Variants in CACNA2D1 observed in about 807,000 individuals in gnomAD.
CACNA2D1 encodes voltage-dependent calcium channel subunit alpha-2/delta-1.
CACNA2D1 carries 53 observed loss-of-function variants against 171.5 expected under a neutral mutation model. The observed-to-expected ratio is 0.31, with a 90% confidence interval of 0.25 to 0.39. The LOEUF (loss-of-function observed/expected upper bound fraction) is 0.39. Ranked by LOEUF, CACNA2D1 falls within the 10% of genes least tolerant of loss-of-function variation. The pLI is 1.00. For missense variants in CACNA2D1, 903 were observed against 1,299.8 expected (o/e 0.69, Z 4.69); for synonymous variants, 442 against 443.1 (o/e 1.00, Z 0.03).
At chr7:81,990,041 C>A in intron 21 of CACNA2D1, among the ~76,000 whole-genome samples, 1 of 152,206 alleles carries the variant, frequency 6.6e-6, no homozygotes, top group Middle Eastern at 3.4e-3. Flanking sequence ...ACTGTAAGAG[C>A]TGCAGAATAT....
intron 1 of CACNA2D1, among the ~76,000 whole-genome samples, chr7:82,374,791 A>C (rs1021541240): frequency 1.4e-3 from 32 of 23,082 alleles, no homozygotes; most frequent in Middle Eastern, 0.05. Context: ...AATGCCCCCC[A>C]AAAAAAGAAA....
At chr7:81,983,745 A>T (rs1168492346) in intron 22 of CACNA2D1, among the ~76,000 whole-genome samples, 1 of 152,222 alleles carries the variant, frequency 6.6e-6, no homozygotes, top group African/African-American at 2.4e-5. Context: ...CTATCAAGTG[A>T]AAGTGGAAAT....
intron 15 of CACNA2D1, among the ~76,000 whole-genome samples, chr7:82,011,662 T>C (rs1471524139): frequency 6.6e-6 from 1 of 152,302 alleles, no homozygotes; most frequent in Middle Eastern, 3.4e-3. Context: ...TGTGATGATT[T>C]CAGTATAAGG....
chr7:82,383,899 C>G lies in CACNA2D1; in HGVS notation c.96-34250G>C, dbSNP rs149397859. On this transcript the variant is annotated intron_variant, in intron 1 of 38. Transcript: ENST00000356860. The stretch of plus-strand genomic sequence containing the variant: ...TATAAAGTACCTCTTCACACTGACA[C>G]ATGTAGATTATCAAAATTTTACACA... Among the ~76,000 whole-genome samples the G allele has an allele frequency of 7.3e-4, 111 of 152,210 alleles. 1 individual carries two copies. The highest frequency in any genetic ancestry group is 1.3e-3 in the Non-Finnish European group (88 of 68,020).
At chr7:82,177,385 T>C (rs1478914851) in intron 3 of CACNA2D1, among the ~76,000 whole-genome samples, 2 of 152,018 alleles carry the variant, frequency 1.3e-5, no homozygotes, top group Non-Finnish European at 2.9e-5. Context: ...TATTGTTGAT[T>C]CTCCTTGCTA....
At chr7:82,438,451 G>A (rs540271312) in intron 1 of CACNA2D1, among the ~76,000 whole-genome samples, 1 of 152,266 alleles carries the variant, frequency 6.6e-6, no homozygotes, top group South Asian at 2.1e-4. Context: ...GGAAAAGGTA[G>A]TAACATAGTA....
At chr7:82,297,173 C>T (rs957595417) in intron 3 of CACNA2D1, among the ~76,000 whole-genome samples, 1 of 151,582 alleles carries the variant, frequency 6.6e-6, no homozygotes, top group African/African-American at 2.4e-5. Flanking sequence ...ATCCCTTGAG[C>T]CCAGGAGGCT....
chr7:82,111,386 G>A lies in CACNA2D1; in HGVS notation c.526+5658C>T, dbSNP rs1454205494. 3.2e-5 allele frequency among the ~76,000 whole-genome samples: 4 copies of A among 126,152 alleles called. 1 individual carries two copies. The highest frequency in any genetic ancestry group is 6.6e-5 in the Non-Finnish European group (4 of 60,840). 82.8% of individuals were successfully genotyped at this position (126,152 alleles called of 152,430 possible). On this transcript the variant is annotated intron_variant, in intron 6 of 38. Coordinates refer to ENST00000356860, the MANE Select transcript of CACNA2D1 (RefSeq NM_000722.4). ...TATGTATATATATATTCATATATGT[G>A]TATATATGTATATATATATTCATAT...
chr7:81,969,678 CTG>C (rs1209890180), intron 28 of CACNA2D1, among the ~76,000 whole-genome samples: 1 of 151,188 alleles, frequency 6.6e-6, no homozygotes, highest in African/African-American at 2.4e-5. Context: ...TACTGGAAGA[CTG>C]TTTGCTGTGT....
chr7:82,028,328 A>G (rs1397068780), intron 12 of CACNA2D1: 1 of 151,636 alleles, frequency 6.6e-6, no homozygotes, highest in African/African-American at 2.4e-5. Flanking sequence ...CTATTGAAAC[A>G]TATGTTAAAA....
intron 1 of CACNA2D1, among the ~76,000 whole-genome samples, chr7:82,370,409 AT>A (rs1822254299): frequency 1.3e-5 from 2 of 151,978 alleles, no homozygotes; most frequent in Non-Finnish European, 1.5e-5. Context: ...TCAGGAAAAA[AT>A]GATTAAAATT....
chr7:82,304,820 T>C (rs1813508450), intron 3 of CACNA2D1, among the ~76,000 whole-genome samples: 1 of 152,054 alleles, frequency 6.6e-6, no homozygotes, highest in Admixed American at 6.6e-5. Context: ...TAGGGGACAA[T>C]AGTTAACAAC....
intron 1 of CACNA2D1, among the ~76,000 whole-genome samples, chr7:82,383,405 T>C (rs1205975486): frequency 1.3e-5 from 2 of 152,050 alleles, no homozygotes; most frequent in African/African-American, 4.8e-5. Context: ...GAGAAAGCAC[T>C]AAAGAGAAAT....
chr7:82,288,453 ACACAC>A (rs1309750742), intron 3 of CACNA2D1, among the ~76,000 whole-genome samples: 1 of 150,622 alleles, frequency 6.6e-6, no homozygotes, highest in Non-Finnish European at 1.5e-5. Flanking sequence ...ACACACACAC[ACACAC>A]ATTTGAATGC....
At chr7:82,224,970 G>A (rs189054904) in intron 3 of CACNA2D1, among the ~76,000 whole-genome samples, 1 of 152,186 alleles carries the variant, frequency 6.6e-6, no homozygotes, top group East Asian at 1.9e-4. Context: ...TGACGTAAAG[G>A]TAACACTTGG....
intron 34 of CACNA2D1, among the ~76,000 whole-genome samples, chr7:81,963,481 A>G (rs1012754503): frequency 2.0e-5 from 3 of 151,942 alleles, no homozygotes; most frequent in African/African-American, 7.2e-5. Context: ...GCCACAATTG[A>G]CCATTTAAAT....
chr7:82,224,688 T>C (rs997731931), intron 3 of CACNA2D1, among the ~76,000 whole-genome samples: 4 of 152,194 alleles, frequency 2.6e-5, no homozygotes, highest in East Asian at 3.8e-4. Flanking sequence ...TAACAGAAAC[T>C]GTGTGAACTG....
At chr7:82,274,857 T>TGAATGAAC (rs1809113675) in intron 3 of CACNA2D1, among the ~76,000 whole-genome samples, 1 of 144,136 alleles carries the variant, frequency 6.9e-6, no homozygotes, top group African/African-American at 2.6e-5. Context: ...CAGGTATTTA[T>TGAATGAAC]GAATGAATGA....
At chr7:82,328,008 A>G (rs1403379581) in intron 3 of CACNA2D1, among the ~76,000 whole-genome samples, 1 of 152,116 alleles carries the variant, frequency 6.6e-6, no homozygotes, top group African/African-American at 2.4e-5. Context: ...CCTATCTGAG[A>G]CCAGCTCCAT....
Sources: gnomAD v4.1 joint callset for allele counts (sites outside exome capture counted in the v4.1 genomes callset) on GRCh38, gnomAD v4.1.1 for gene constraint, MANE v1.5 for transcripts, NCBI Gene and HGNC (gene_info 2026-07-23, HGNC 2026-07-21) for gene names.